Variants in CDH2 observed in about 807,000 individuals in gnomAD.
CDH2 encodes the protein cadherin 2.
In CDH2, 17 loss-of-function variants were observed where a neutral mutation model predicts 92.0. The observed-to-expected ratio is 0.18, with a 90% CI of 0.13 to 0.28. The LOEUF (loss-of-function observed/expected upper bound fraction) is 0.28, where lower values mean the gene tolerates loss of function less well. Ranked by LOEUF, CDH2 falls within the 10% of genes least tolerant of loss-of-function variation. The pLI is 1.00. For missense variants in CDH2, 862 were observed against 1,133.1 expected (o/e 0.76, Z 3.44); for synonymous variants, 419 against 415.9 (o/e 1.01, Z -0.09).
At chr18:28,171,989 T>C (rs552081776) in intron 1 of CDH2, among the ~76,000 whole-genome samples, 22 of 152,198 alleles carry the variant, frequency 1.4e-4, no homozygotes, top group African/African-American at 5.3e-4. Context: ...AAGTAATCAA[T>C]CAATTATTGA....
At chr18:28,042,846 C>A (rs911380448) in intron 2 of CDH2, among the ~76,000 whole-genome samples, 1 of 152,026 alleles carries the variant, frequency 6.6e-6, no homozygotes. Context: ...GGAAACTAGG[C>A]CTCATACAGG....
At chr18:28,068,900 G>C (rs1044340382) in intron 2 of CDH2, among the ~76,000 whole-genome samples, 1 of 152,082 alleles carries the variant, frequency 6.6e-6, no homozygotes, top group Admixed American at 6.6e-5. Flanking sequence ...AGATTACATA[G>C]AGGACAAGTC....
chr18:28,107,148 A>G (rs1206148790), intron 2 of CDH2, among the ~76,000 whole-genome samples: 1 of 152,008 alleles, frequency 6.6e-6, no homozygotes, highest in African/African-American at 2.4e-5. Flanking sequence ...AGACTACAAA[A>G]TCAACGTTAA....
At chr18:27,955,057 T>C (rs1909641120) in intron 15 of CDH2, among the ~76,000 whole-genome samples, 1 of 152,122 alleles carries the variant, frequency 6.6e-6, no homozygotes, top group African/African-American at 2.4e-5. Context: ...AAATATTAAA[T>C]TTTCATTATG....
intron 2 of CDH2, among the ~76,000 whole-genome samples, chr18:28,087,452 C>T (rs545359181): frequency 3.9e-5 from 6 of 152,134 alleles, no homozygotes; most frequent in Non-Finnish European, 5.9e-5. Flanking sequence ...CTATACATGA[C>T]GGCATGCCAA....
At chr18:28,172,362 C>G (rs1214242069) in intron 1 of CDH2, among the ~76,000 whole-genome samples, 1 of 152,090 alleles carries the variant, frequency 6.6e-6, no homozygotes, top group Admixed American at 6.5e-5. Context: ...GAAGATATAG[C>G]TCTTACTAAA....
rs200146953 is a variant in CDH2, at chr18:28,029,659, GT to G, written c.173-15751del. The stretch of plus-strand genomic sequence containing the variant: ...CACCATTCTCATTAATTACACCAAA[GT>G]GAACAGGATTAATTGCCATACACTG... On this transcript the variant is annotated intron_variant, in intron 2 of 15. Transcript: ENST00000269141. Among the ~76,000 whole-genome samples, 1,383 of 152,164 alleles carry G rather than the reference GT, an allele frequency of 9.1e-3. 28 individuals carry two copies. Among genetic ancestry groups the G allele is most frequent in the African/African-American group, 0.032 (1,326 of 41,516 alleles).
intron 2 of CDH2, among the ~76,000 whole-genome samples, chr18:28,070,748 C>G (rs2014601609): frequency 6.6e-6 from 1 of 152,138 alleles, no homozygotes; most frequent in Admixed American, 6.5e-5. Flanking sequence ...AGTTAAATGT[C>G]ACAAGATAAA....
chr18:28,095,887 T>C (rs565779026), intron 2 of CDH2, among the ~76,000 whole-genome samples: 13 of 146,378 alleles, frequency 8.9e-5, no homozygotes, highest in African/African-American at 3.3e-4. Flanking sequence ...GGAGAATACA[T>C]ACAAGGTACA....
At chr18:28,119,246 T>C (rs1249432764) in intron 2 of CDH2, among the ~76,000 whole-genome samples, 1 of 152,110 alleles carries the variant, frequency 6.6e-6, no homozygotes, top group Non-Finnish European at 1.5e-5. Context: ...CATGTAAACA[T>C]AACTGTAAAT....
intron 2 of CDH2, among the ~76,000 whole-genome samples, chr18:28,053,476 G>T (rs1035777779): frequency 6.6e-6 from 1 of 152,144 alleles, no homozygotes; most frequent in Non-Finnish European, 1.5e-5. Context: ...CCAAGATGGG[G>T]TTATTCATGC....
At chr18:28,169,951 C>T (rs2016440185) in intron 1 of CDH2, among the ~76,000 whole-genome samples, 1 of 152,214 alleles carries the variant, frequency 6.6e-6, no homozygotes, top group African/African-American at 2.4e-5. Context: ...CTTTCAATTA[C>T]ACTTCCACTA....
At chr18:28,076,913 A>T (rs2014731554) in intron 2 of CDH2, among the ~76,000 whole-genome samples, 1 of 152,142 alleles carries the variant, frequency 6.6e-6, no homozygotes, top group African/African-American at 2.4e-5. Context: ...AGAGTATGAA[A>T]ATTAAATGCT....
At chr18:27,994,454 A>G (rs1005732238) in intron 7 of CDH2, among the ~76,000 whole-genome samples, 1 of 152,362 alleles carries the variant, frequency 6.6e-6, no homozygotes, top group South Asian at 2.1e-4. Context: ...AAGCTATAAT[A>G]TATCTAAGAG....
At position 28,027,819 on chromosome 18, in the gene CDH2, T is replaced by G. The variant is rs1327323117; in HGVS notation, c.173-13910A>C. Among the ~76,000 whole-genome samples the G allele has an allele frequency of 7.3e-5, 11 of 150,038 alleles. No individual in the cohort carries two copies. In the Admixed American group the frequency reaches 7.4e-4, roughly 10 times the overall value. On this transcript the variant is annotated intron_variant, in intron 2 of 15. Coordinates refer to ENST00000269141, the MANE Select transcript of CDH2 (RefSeq NM_001792.5). ...AGAATCCAGCTAAAAATATATAAAA[T>G]TATCAGTGCTTAGGCAGTTTTGTTT... is the stretch of plus-strand genomic sequence containing the variant.
intron 2 of CDH2, among the ~76,000 whole-genome samples, chr18:28,085,542 T>C (rs1409916427): frequency 6.6e-6 from 1 of 152,126 alleles, no homozygotes; most frequent in Non-Finnish European, 1.5e-5. Context: ...CACTACCACA[T>C]AGTATCAACA....
At chr18:27,960,461 A>G (rs1011722568) in intron 15 of CDH2, among the ~76,000 whole-genome samples, 5 of 152,198 alleles carry the variant, frequency 3.3e-5, no homozygotes, top group Non-Finnish European at 5.9e-5. Context: ...AGCCTGCAAG[A>G]TGCTGGGTGG....
intron 2 of CDH2, among the ~76,000 whole-genome samples, chr18:28,029,451 G>GA (rs1555634718): frequency 6.7e-6 from 1 of 148,288 alleles, no homozygotes; most frequent in Non-Finnish European, 1.5e-5. Context: ...GCCATCATTG[G>GA]TTTTTTTTTT....
intron 6 of CDH2, among the ~76,000 whole-genome samples, chr18:27,940,541 ATAGTT>A (rs1467527518): frequency 6.6e-6 from 1 of 152,154 alleles, no homozygotes; most frequent in Non-Finnish European, 1.5e-5. Context: ...TATTTGGACA[ATAGTT>A]TTGTTTTATG....
Sources: allele counts gnomAD v4.1 joint callset (sites outside exome capture counted in the v4.1 genomes callset), GRCh38; gene constraint gnomAD v4.1.1; transcripts MANE v1.5; gene names NCBI Gene and HGNC (gene_info 2026-07-23, HGNC 2026-07-21).